Variants in ADCY9 observed in about 807,000 individuals in gnomAD.
The protein encoded by ADCY9 is adenylate cyclase 9.
Under a neutral mutation model 101.5 loss-of-function variants are expected in ADCY9, and 50 were observed. The observed-to-expected ratio is 0.49, with a 90% confidence interval of 0.39 to 0.62. The LOEUF (loss-of-function observed/expected upper bound fraction) is 0.62, where lower values mean the gene tolerates loss of function less well. ADCY9 is among the 20% of genes least tolerant of loss of function. The probability of loss-of-function intolerance (pLI) is 0.00; values close to 1 mark genes in which losing one functional copy is unlikely to be tolerated. For synonymous variants in ADCY9, 905 were observed against 769.3 expected (o/e 1.18, Z -2.92); for missense variants, 1,662 against 1,800.4 (o/e 0.92, Z 1.39).
At chr16:4,090,515 G>A (rs1043910194) in intron 2 of ADCY9, among the ~76,000 whole-genome samples, 1 of 152,006 alleles carries the variant, frequency 6.6e-6, no homozygotes, top group Non-Finnish European at 1.5e-5. Context: ...AGTGCTGTGG[G>A]AACACTGCTG....
intron 2 of ADCY9, among the ~76,000 whole-genome samples, chr16:4,105,329 AATGCAC>A (rs2057069422): frequency 6.6e-6 from 1 of 152,114 alleles, no homozygotes; most frequent in Admixed American, 6.6e-5. Flanking sequence ...CTATATAAAT[AATGCAC>A]ATAAGCCTGG....
At chr16:4,005,098 G>A (rs562526185) in intron 3 of ADCY9, among the ~76,000 whole-genome samples, 65 of 151,938 alleles carry the variant, frequency 4.3e-4, no homozygotes, top group African/African-American at 1.1e-3. Context: ...TGTATATACC[G>A]CGTCCTCCTC....
At chr16:3,967,095 A>G (rs2056006013) in intron 10 of ADCY9, 129 bp from the exon 11 acceptor site, 1 of 737,352 alleles carries the variant, frequency 1.4e-6, no homozygotes, top group East Asian at 2.7e-5. Flanking sequence ...CAAGCTGCCC[A>G]TTCCTGGTTT....
At position 3,965,187 on chromosome 16, in the gene ADCY9, T is replaced by A; in HGVS notation, c.*588A>T. On this transcript the variant is annotated 3_prime_UTR_variant, in exon 11 of 11. Transcript: ENST00000294016. The stretch of plus-strand genomic sequence containing the variant: ...GAAAGTGCGGGTGGGCAATGGGGGG[T>A]GGCGGAGCTGTCGTGACATGCCCCC... The A allele has an allele frequency of 6.5e-6, 1 of 154,514 alleles. No homozygotes were observed. The highest frequency in any genetic ancestry group is 1.4e-5 in the Non-Finnish European group (1 of 69,420). 9.6% of individuals were successfully genotyped at this position (154,514 alleles called of 1,614,324 possible).
At chr16:4,058,896 G>A (rs2056757456) in intron 2 of ADCY9, among the ~76,000 whole-genome samples, 1 of 152,046 alleles carries the variant, frequency 6.6e-6, no homozygotes, top group Non-Finnish European at 1.5e-5. Context: ...TGTGGTGAGG[G>A]GTAAAGGAAC....
At chr16:4,005,829 G>A (rs565794323) in intron 3 of ADCY9, among the ~76,000 whole-genome samples, 1 of 152,236 alleles carries the variant, frequency 6.6e-6, no homozygotes, top group Non-Finnish European at 1.5e-5. Flanking sequence ...TGTCTTTCAC[G>A]ACTTAAATAC....
Position 4,061,437 on chromosome 16 carries a change from A to G in ADCY9, c.1693+52313T>C, listed in dbSNP as rs553313040. On this transcript the variant is annotated intron_variant, in intron 2 of 10. Transcript: ENST00000294016. ...ATCATAGCCAAACTGCTGGAAGCCA[A>G]AAACAAAGAGAAAATCTTGACTGCA... Among the ~76,000 whole-genome samples, 4 of 152,326 alleles carry G rather than the reference A, an allele frequency of 2.6e-5. No individual in the cohort carries two copies. In the East Asian group the frequency reaches 7.7e-4, roughly 29 times the overall value.
intron 9 of ADCY9, 94 bp from the exon 10 acceptor site, chr16:3,974,804 T>C: frequency 9.7e-7 from 1 of 1,028,694 alleles, no homozygotes; most frequent in South Asian, 1.3e-5. Context: ...TATGTTCCTT[T>C]TTTAGACGTG....
At position 3,969,569 on chromosome 16, in the gene ADCY9, A is replaced by AATATATATATATATAT. The variant is rs57260468; in HGVS notation, c.2871-2619_2871-2604dup. 4.4e-3 allele frequency among the ~76,000 whole-genome samples: 199 copies of AATATATATATATATAT among 45,186 alleles called. 1 individual carries two copies. The highest frequency in any genetic ancestry group is 6.3e-3 in the Non-Finnish European group (143 of 22,746). 29.6% of individuals were successfully genotyped at this position (45,186 alleles called of 152,430 possible). A position where few individuals can be genotyped will look rare whatever the true frequency, so the allele number is the denominator to read the frequency against. On this transcript the variant is annotated intron_variant, in intron 10 of 10. Transcript: ENST00000294016. ...GCACAATTTCTTAAAGTTTGTTTGA[A>AATATATATATATATAT]ATATATATATATATATATATATATA... is the stretch of plus-strand genomic sequence containing the variant.
intron 5 of ADCY9, among the ~76,000 whole-genome samples, chr16:3,957,087 CA>C (rs2055910811): frequency 3.3e-5 from 5 of 152,172 alleles, no homozygotes; most frequent in Admixed American, 6.5e-5. Flanking sequence ...ATTAAACTCA[CA>C]CCCTCCCCCT....
chr16:4,076,640 C>G (rs2056868931), intron 2 of ADCY9, among the ~76,000 whole-genome samples: 1 of 146,166 alleles, frequency 6.8e-6, no homozygotes, highest in Non-Finnish European at 1.5e-5. Flanking sequence ...ACCCAAACAG[C>G]ATCTGTGATC....
chr16:4,047,103 G>A (rs1257251117), intron 2 of ADCY9, among the ~76,000 whole-genome samples: 2 of 152,104 alleles, frequency 1.3e-5, no homozygotes, highest in Admixed American at 6.6e-5. Flanking sequence ...GACATTGAAT[G>A]CTAATTTCTT....
At position 3,964,461 on chromosome 16, in the gene ADCY9, G is replaced by A. The variant is rs1047905482; in HGVS notation, c.*1314C>T. ...ATGCCTCTGTCCCTAGATACGGTGT[G>A]AGAACTCCATTTCAGAGCTGGAATT... On this transcript the variant is annotated 3_prime_UTR_variant, in exon 11 of 11. Transcript: ENST00000294016. The A allele has an allele frequency of 5.9e-5, 9 of 152,288 alleles. No homozygotes were observed. Among genetic ancestry groups the A allele is most frequent in the Non-Finnish European group, 1.3e-4 (9 of 68,106 alleles). The allele number at this position is 152,288 out of a possible 1,614,324, so 9.4% of individuals were successfully genotyped here. A position where few individuals can be genotyped will look rare whatever the true frequency, so the allele number is the denominator to read the frequency against.
intron 2 of ADCY9, among the ~76,000 whole-genome samples, chr16:4,027,441 C>T (rs2386823): frequency 0.73 from 111,760 of 152,112 alleles, 41,302 homozygotes; most frequent in East Asian, 0.88. Flanking sequence ...TGGGTAATTA[C>T]GAAGGAAAGG....
intron 2 of ADCY9, among the ~76,000 whole-genome samples, chr16:4,037,494 C>T (rs2056597787): frequency 6.6e-6 from 1 of 152,074 alleles, no homozygotes; most frequent in Admixed American, 6.6e-5. Flanking sequence ...CATACCTTTG[C>T]TATTGCCAAC....
intron 6 of ADCY9, among the ~76,000 whole-genome samples, chr16:3,988,358 A>G (rs67022589): frequency 0.17 from 26,251 of 151,382 alleles, 3,251 homozygotes; most frequent in African/African-American, 0.34. Flanking sequence ...AGGGAGGGCA[A>G]CAGAGAAGAG....
chr16:4,098,032 A>G (rs1194953750), intron 2 of ADCY9, among the ~76,000 whole-genome samples: 1 of 152,104 alleles, frequency 6.6e-6, no homozygotes, highest in East Asian at 1.9e-4. Flanking sequence ...CATATGATGC[A>G]AGCTGGAAAA....
At chr16:3,994,615 C>T (rs2056272951) in intron 3 of ADCY9, among the ~76,000 whole-genome samples, 1 of 152,134 alleles carries the variant, frequency 6.6e-6, no homozygotes, top group Admixed American at 6.6e-5. Context: ...GCCACCACGC[C>T]CGGCTACTTG....
At chr16:4,040,183 T>C (rs2141765721) in intron 2 of ADCY9, among the ~76,000 whole-genome samples, 1 of 152,276 alleles carries the variant, frequency 6.6e-6, no homozygotes, top group South Asian at 2.1e-4. Context: ...AATAATTCAG[T>C]GGACATTTAT....
Sources: gnomAD v4.1 joint callset for allele counts (sites outside exome capture counted in the v4.1 genomes callset) on GRCh38, gnomAD v4.1.1 for gene constraint, MANE v1.5 for transcripts, NCBI Gene and HGNC (gene_info 2026-07-23, HGNC 2026-07-21) for gene names.